LRP11: variants seen among roughly 807,000 people sequenced by gnomAD.
LRP11 encodes LDL receptor related protein 11.
Under a neutral mutation model 43.1 loss-of-function variants are expected in LRP11, and 25 were observed. The observed-to-expected ratio is 0.58, with a 90% CI of 0.42 to 0.81. The LOEUF is 0.81. LRP11 is among the 30% of genes least tolerant of loss of function. The probability of loss-of-function intolerance (pLI) is 0.00; values close to 1 mark genes in which losing one functional copy is unlikely to be tolerated. For missense variants in LRP11, 623 were observed against 665.1 expected (o/e 0.94, Z 0.70); for synonymous variants, 316 against 299.4 (o/e 1.06, Z -0.57).
intron 5 of LRP11, among the ~76,000 whole-genome samples, chr6:149,830,350 G>C (rs1776393667): frequency 6.6e-6 from 1 of 152,142 alleles, no homozygotes. Context: ...ATGAAGTTTA[G>C]AGAAGTTGAT....
At position 149,819,041 on chromosome 6, in the gene LRP11, T is replaced by G. The variant is rs1240469376; in HGVS notation, c.*1508A>C. On this transcript the variant is annotated 3_prime_UTR_variant, in exon 7 of 7. Transcript: ENST00000239367. Reference sequence around the variant, plus strand: ...TCTTAAGTTCATTCACAAAGTTAATTTTTCTAAACTGCCCTTCAAAAATTT... The same window carrying G: ...TCTTAAGTTCATTCACAAAGTTAATGTTTCTAAACTGCCCTTCAAAAATTT... 2 of 152,504 alleles carry G rather than the reference T, an allele frequency of 1.3e-5. No homozygotes were observed. Among genetic ancestry groups the G allele is most frequent in the Non-Finnish European group, 2.9e-5 (2 of 68,018 alleles). The allele number at this position is 152,504 out of a possible 1,614,324, so 9.4% of individuals were successfully genotyped here.
At chr6:149,859,396 A>ATATATATTTTTTT in intron 1 of LRP11, among the ~76,000 whole-genome samples, 1 of 71,496 alleles carries the variant, frequency 1.4e-5, no homozygotes, top group African/African-American at 8.2e-5. Context: ...ATATATATAT[A>ATATATATTTTTTT]TTTTTTTTTT....
At chr6:149,858,922 C>A (rs1234943104) in intron 1 of LRP11, among the ~76,000 whole-genome samples, 1 of 152,162 alleles carries the variant, frequency 6.6e-6, no homozygotes, top group Non-Finnish European at 1.5e-5. Context: ...ATGGTTTCTG[C>A]CACATATTTT....
intron 3 of LRP11, chr6:149,842,642 C>G (rs766040450): frequency 4.5e-6 from 7 of 1,550,856 alleles, no homozygotes; most frequent in Non-Finnish European, 6.1e-6. Context: ...CCTTAGCTTC[C>G]CTCTTGGAAC....
intron 5 of LRP11, among the ~76,000 whole-genome samples, chr6:149,830,071 C>T (rs972688232): frequency 2.8e-5 from 4 of 144,948 alleles, no homozygotes; most frequent in East Asian, 2.1e-4. Context: ...AGTGCACTGG[C>T]GCAATCTCGG....
At chr6:149,858,516 G>A (rs1307869250) in intron 1 of LRP11, among the ~76,000 whole-genome samples, 1 of 152,154 alleles carries the variant, frequency 6.6e-6, no homozygotes, top group Admixed American at 6.6e-5. Context: ...ACATGTGCAT[G>A]TGTCTTTATA....
At chr6:149,845,721 A>G (rs1776621890) in intron 2 of LRP11, among the ~76,000 whole-genome samples, 1 of 151,932 alleles carries the variant, frequency 6.6e-6, no homozygotes, top group Admixed American at 6.6e-5. Flanking sequence ...GGACAAGACC[A>G]GATAATGTCT....
chr6:149,834,264 G>GT (rs1409461985), intron 5 of LRP11, among the ~76,000 whole-genome samples: 2 of 152,200 alleles, frequency 1.3e-5, no homozygotes, highest in African/African-American at 4.8e-5. Context: ...CCTAGCATGG[G>GT]TAAGGGCTGA....
rs897261135 is a variant in LRP11, at chr6:149,863,985, C to T, written c.36G>A (p.Gln12=). 2.1e-6 allele frequency: 3 copies of T among 1,403,930 alleles called. No individual in the cohort carries two copies. Among genetic ancestry groups the T allele is most frequent in the Non-Finnish European group, 2.8e-6 (3 of 1,086,388 alleles). The allele number at this position is 1,403,930 out of a possible 1,614,324, so 87.0% of individuals were successfully genotyped here. A position where few individuals can be genotyped will look rare whatever the true frequency, so the allele number is the denominator to read the frequency against. ...CCCCGTGACGCGGCGGTAGCCGGCG[C>T]TGCGAGCCCGCGCTCTCCTGGGCGA... ...ASVAQESAGS[Q]RRLPPRHGAL... is the part of the protein sequence containing the mutation. The change falls in exon 1 of 7, where the codon CAG becomes CAA. Residue 12 remains glutamine, a synonymous_variant. Coordinates refer to ENST00000239367, the MANE Select transcript of LRP11 (RefSeq NM_032832.6).
intron 3 of LRP11, among the ~76,000 whole-genome samples, chr6:149,839,434 G>T (rs1397582334): frequency 6.6e-6 from 1 of 152,236 alleles, no homozygotes; most frequent in African/African-American, 2.4e-5. Flanking sequence ...GGAGGTGGGG[G>T]ACACGCTGGA....
chr6:149,831,186 A>G (rs1776403716), intron 5 of LRP11, among the ~76,000 whole-genome samples: 1 of 152,248 alleles, frequency 6.6e-6, no homozygotes, highest in South Asian at 2.1e-4. Context: ...ATGGCGACAC[A>G]TTCACAGAGG....
chr6:149,842,722 A>T (rs528546685), intron 3 of LRP11: 1 of 1,538,792 alleles, frequency 6.5e-7, no homozygotes, highest in Non-Finnish European at 8.8e-7. Context: ...ATTGTCTTTG[A>T]TGAAGTCGAG....
chr6:149,826,282 G>C lies in LRP11; in HGVS notation c.1330C>G (p.His444Asp). 6.2e-7 allele frequency: 1 copy of C among 1,613,442 alleles called. No individual in the cohort carries two copies. Residue 444 changes from histidine to aspartate, a missense_variant, in exon 6 of 7, where the codon CAC (histidine) becomes GAC (aspartate). Coordinates refer to ENST00000239367, the MANE Select transcript of LRP11 (RefSeq NM_032832.6). Reference protein sequence around the residue: ...ESKGDGGGGEHPAPETGAVLP... With the variant: ...ESKGDGGGGEDPAPETGAVLP... ...CATTTACCTGTTTCTGGGGCTGGGTGTTCCCCTCCTCCTCCATCACCCTTT... is the reference window on the plus strand; with the variant it reads ...CATTTACCTGTTTCTGGGGCTGGGTCTTCCCCTCCTCCTCCATCACCCTTT...
intron 2 of LRP11, among the ~76,000 whole-genome samples, chr6:149,847,863 AC>A (rs1231468093): frequency 2.3e-4 from 32 of 141,336 alleles, no homozygotes; most frequent in African/African-American, 8.3e-4. Flanking sequence ...ACACACACAC[AC>A]ACACACACAC....
chr6:149,855,853 T>A lies in LRP11; in HGVS notation c.614-2693A>T, dbSNP rs188037870. Among the ~76,000 whole-genome samples, 47 of 152,226 alleles carry A rather than the reference T, an allele frequency of 3.1e-4. No individual in the cohort carries two copies. The East Asian group carries it at 8.3e-3, about 27-fold the overall frequency. On this transcript the variant is annotated intron_variant, in intron 1 of 6. Coordinates refer to ENST00000239367, the MANE Select transcript of LRP11 (RefSeq NM_032832.6). ...TGATTTAAATAAGCCAAGTAAACAA[T>A]CCCCTGCCTAGGAAGAAACTTGTTC... is the stretch of plus-strand genomic sequence containing the variant.
In LRP11 at chr6:149,820,657, C is replaced by T. The variant is rs41288439; in HGVS notation, c.1395G>A (p.Leu465=). 437 of 781,038 alleles carry T rather than the reference C, an allele frequency of 5.6e-4. 2 individuals carry two copies. Among genetic ancestry groups the T allele is most frequent in the Admixed American group, 3.2e-3 (190 of 59,028 alleles). The allele number at this position is 781,038 out of a possible 1,614,324, so 48.4% of individuals were successfully genotyped here. ...GTAGTCGGCATGCAACCATGAGAAG[C>T]AGCAGAGCAGTGATAGCCAAACCCA... ...LALGLAITAL[L]LLMVACRLRL... The change falls in exon 7 of 7, where the codon CTG becomes CTA. Residue 465 remains leucine, a synonymous_variant. Coordinates refer to ENST00000239367, the MANE Select transcript of LRP11 (RefSeq NM_032832.6).
chr6:149,851,915 G>A (rs1367446748), intron 2 of LRP11, among the ~76,000 whole-genome samples: 1 of 152,180 alleles, frequency 6.6e-6, no homozygotes, highest in Non-Finnish European at 1.5e-5. Flanking sequence ...CACCGCAGAA[G>A]GCAAAGGGGA....
At chr6:149,840,973 C>T (rs747081399) in intron 3 of LRP11, among the ~76,000 whole-genome samples, 5 of 152,264 alleles carry the variant, frequency 3.3e-5, no homozygotes, top group South Asian at 2.1e-4. Flanking sequence ...ACTGTTTACT[C>T]GCTATCACTG....
intron 2 of LRP11, 160 bp downstream of exon 2, chr6:149,852,843 T>C (rs1230073820): frequency 9.7e-6 from 5 of 516,702 alleles, no homozygotes; most frequent in African/African-American, 4.0e-5. Flanking sequence ...GAAAAGCACA[T>C]TGAGATAATA....
Sources: allele counts gnomAD v4.1 joint callset (sites outside exome capture counted in the v4.1 genomes callset), GRCh38; gene constraint gnomAD v4.1.1; transcripts MANE v1.5; gene names NCBI Gene and HGNC (gene_info 2026-07-23, HGNC 2026-07-21).